Variants in AKAP13 observed in about 807,000 individuals in gnomAD.
AKAP13 encodes the protein A-kinase anchor protein 13.
Under a neutral mutation model 264.5 loss-of-function variants are expected in AKAP13, and 80 were observed. The observed-to-expected ratio is 0.30, with a 90% CI of 0.25 to 0.36. The LOEUF is 0.36. AKAP13 is among the 10% of genes least tolerant of loss of function. The pLI is 1.00. For synonymous variants in AKAP13, 1,380 were observed against 1,250.2 expected (o/e 1.10, Z -2.19); for missense variants, 3,712 against 3,435.2 (o/e 1.08, Z -2.01).
chr15:85,584,842 C>T (rs1487849594), intron 7 of AKAP13, among the ~76,000 whole-genome samples: 17 of 152,144 alleles, frequency 1.1e-4, no homozygotes, highest in Admixed American at 1.1e-3. Flanking sequence ...AGATGCATTT[C>T]CACATGAAAT....
intron 1 of AKAP13, among the ~76,000 whole-genome samples, chr15:85,458,201 G>GT (rs1191826198): frequency 1.3e-5 from 2 of 151,038 alleles, no homozygotes; most frequent in African/African-American, 2.4e-5. Context: ...AGATATTCCA[G>GT]TTTTTCTGAT....
chr15:85,521,632 C>G (rs1012743447), intron 3 of AKAP13, 57 bp downstream of exon 3: 1 of 1,567,328 alleles, frequency 6.4e-7, no homozygotes, highest in Middle Eastern at 1.7e-4. Flanking sequence ...CCCTTTTATT[C>G]GATGTTTATG....
At chr15:85,540,485 C>T (rs927791408) in intron 4 of AKAP13, among the ~76,000 whole-genome samples, 1 of 152,100 alleles carries the variant, frequency 6.6e-6, no homozygotes, top group Non-Finnish European at 1.5e-5. Context: ...TCCTAAAGCA[C>T]AGTTAATTCA....
intron 2 of AKAP13, among the ~76,000 whole-genome samples, chr15:85,512,117 A>G (rs1225622585): frequency 6.6e-6 from 1 of 151,920 alleles, no homozygotes; most frequent in Non-Finnish European, 1.5e-5. Context: ...TATTCGGCAT[A>G]AGCTCATCTC....
chr15:85,669,920 AC>A, intron 14 of AKAP13, 90 bp downstream of exon 14: 1 of 931,730 alleles, frequency 1.1e-6, no homozygotes. Context: ...CCATAACATT[AC>A]CTGCCAAAAT....
intron 10 of AKAP13, among the ~76,000 whole-genome samples, chr15:85,654,504 C>T (rs1426509521): frequency 6.6e-6 from 1 of 151,940 alleles, no homozygotes; most frequent in Non-Finnish European, 1.5e-5. Flanking sequence ...ACTGAAAGAA[C>T]TAACATAAAT....
intron 1 of AKAP13, among the ~76,000 whole-genome samples, chr15:85,484,351 A>G (rs547847990): frequency 6.6e-6 from 1 of 152,312 alleles, no homozygotes; most frequent in East Asian, 1.9e-4. Flanking sequence ...TTCTGCAGAT[A>G]ATTTTTGCAC....
chr15:85,456,015 C>A (rs928336357), intron 1 of AKAP13, among the ~76,000 whole-genome samples: 1 of 152,176 alleles, frequency 6.6e-6, no homozygotes, highest in Admixed American at 6.5e-5. Context: ...AGAAAAAGCA[C>A]TCTTTTATAT....
At chr15:85,642,634 C>T (rs2082361898) in intron 9 of AKAP13, among the ~76,000 whole-genome samples, 1 of 152,190 alleles carries the variant, frequency 6.6e-6, no homozygotes. Flanking sequence ...CCCTCTTTCC[C>T]TCCTCAACAG....
At position 85,724,631 on chromosome 15, in the gene AKAP13, T is replaced by G. The variant is rs115583176; in HGVS notation, c.6745+1311T>G. On this transcript the variant is annotated intron_variant, in intron 26 of 36. Coordinates refer to ENST00000394518, the MANE Select transcript of AKAP13 (RefSeq NM_007200.5). The surrounding 1 kb of genome is among the most constrained non-coding windows in gnomAD (Gnocchi z 4.2). ...AGACTGAGGAGTTAACAGTTGATACTATTGATGAGGGAAGGGGGCAAAGAA... is the reference window on the plus strand; with the variant it reads ...AGACTGAGGAGTTAACAGTTGATACGATTGATGAGGGAAGGGGGCAAAGAA... Among the ~76,000 whole-genome samples the G allele has an allele frequency of 2.7e-3, 415 of 151,492 alleles. 1 individual carries two copies. The highest frequency in any genetic ancestry group is 9.8e-3 in the African/African-American group (405 of 41,228).
intron 2 of AKAP13, among the ~76,000 whole-genome samples, chr15:85,517,963 A>AG (rs1393888172): frequency 1.3e-5 from 2 of 152,118 alleles, no homozygotes; most frequent in Non-Finnish European, 2.9e-5. Context: ...GTAGGTGTGT[A>AG]CTCTTCCTGA....
At chr15:85,666,298 G>A (rs1181523039) in intron 13 of AKAP13, among the ~76,000 whole-genome samples, 1 of 151,810 alleles carries the variant, frequency 6.6e-6, no homozygotes, top group Non-Finnish European at 1.5e-5. Context: ...ATTTTTTCAT[G>A]TGTCTGTTGG....
chr15:85,533,984 A>G (rs1238238485), intron 4 of AKAP13, 104 bp downstream of exon 4: 1 of 1,243,614 alleles, frequency 8.0e-7, no homozygotes, highest in Non-Finnish European at 1.1e-6. Flanking sequence ...GGTCTTCCAC[A>G]GAGGCTGCGT....
At chr15:85,531,944 A>T (rs138612943) in intron 3 of AKAP13, among the ~76,000 whole-genome samples, 93 of 152,330 alleles carry the variant, frequency 6.1e-4, no homozygotes, top group African/African-American at 2.1e-3. Context: ...AGGCAATGTG[A>T]TACAAAACCC....
intron 1 of AKAP13, among the ~76,000 whole-genome samples, chr15:85,459,442 G>T (rs192472604): frequency 2.1e-5 from 3 of 144,722 alleles, no homozygotes; most frequent in Admixed American, 7.2e-5. Context: ...CAAGTGATCT[G>T]CCCGCCTTGG....
chr15:85,575,376 G>A, intron 6 of AKAP13, 47 bp downstream of exon 6: 1 of 1,558,022 alleles, frequency 6.4e-7, no homozygotes, highest in Non-Finnish European at 8.8e-7. Context: ...GTGTATGTGT[G>A]TGTTTTGTAT....
chr15:85,521,510 C>A lies in AKAP13; in HGVS notation c.116C>A (p.Ser39Tyr), dbSNP rs772593167. The A allele has an allele frequency of 6.2e-7, 1 of 1,613,992 alleles. No individual in the cohort carries two copies. The highest frequency in any genetic ancestry group is 1.3e-5 in the African/African-American group (1 of 74,908). ...GTGTTTTACTTGGTATTTTTGGGTTCCACCCTCCGTCACTGTACAAGTACT... is the reference window on the plus strand; with the variant it reads ...GTGTTTTACTTGGTATTTTTGGGTTACACCCTCCGTCACTGTACAAGTACT... ...DVVFYLVFLG[S>Y]TLRHCTSTRK... Residue 39 changes from serine to tyrosine, a missense_variant, in exon 3 of 37, where the codon TCC (serine) becomes TAC (tyrosine). Ser to Tyr is a moderately radical substitution (Grantham distance 144). Transcript: ENST00000394518.
rs1192848661 is a variant in AKAP13, at chr15:85,723,113, C to T, written c.6538C>T (p.Leu2180=). ...EQEDLAQSLS[L]VKDVIGAVDS... Reference sequence around the variant, plus strand: ...GGAAGATCTAGCACAGTCCTTGAGCCTGGTGAAGGATGTGATTGGAGCTGT... The same window carrying T: ...GGAAGATCTAGCACAGTCCTTGAGCTTGGTGAAGGATGTGATTGGAGCTGT... The change falls in exon 26 of 37, where the codon CTG becomes TTG. Residue 2180 remains leucine, a synonymous_variant. Coordinates refer to ENST00000394518, the MANE Select transcript of AKAP13 (RefSeq NM_007200.5). 1 of 1,614,066 alleles carries T rather than the reference C, an allele frequency of 6.2e-7. No homozygotes were observed. Among genetic ancestry groups the T allele is most frequent in the Non-Finnish European group, 8.5e-7 (1 of 1,179,984 alleles).
At chr15:85,683,614 C>A (rs930166539) in intron 15 of AKAP13, 1 of 152,134 alleles carries the variant, frequency 6.6e-6, no homozygotes, top group Admixed American at 6.5e-5. Flanking sequence ...GGACTACAGG[C>A]GCGTGCCACC....
Sources: gnomAD v4.1 joint callset for allele counts (sites outside exome capture counted in the v4.1 genomes callset) on GRCh38, gnomAD v4.1.1 for gene constraint, Gnocchi (gnomAD v3.1) non-coding constraint, MANE v1.5 for transcripts, NCBI Gene and HGNC (gene_info 2026-07-23, HGNC 2026-07-21) for gene names.